The following LINGO2 variants were observed in gnomAD, a reference collection of about 807,000 sequenced individuals.
LINGO2 encodes leucine-rich repeat and immunoglobulin-like domain-containing nogo receptor-interacting protein 2.
In LINGO2, 14 loss-of-function variants were observed where a neutral mutation model predicts 30.6. The observed-to-expected ratio is 0.46, with a 90% CI of 0.30 to 0.72. The LOEUF (loss-of-function observed/expected upper bound fraction) is 0.72, where lower values mean the gene tolerates loss of function less well. Ranked by LOEUF, LINGO2 falls within the 30% of genes least tolerant of loss-of-function variation. LINGO2 has a pLI of 0.07. For synonymous variants in LINGO2, 317 were observed against 288.5 expected (o/e 1.10, Z -1.00); for missense variants, 729 against 751.7 (o/e 0.97, Z 0.35).
chr9:28,449,981 G>A (rs997389627), intron 2 of LINGO2, among the ~76,000 whole-genome samples: 1 of 151,916 alleles, frequency 6.6e-6, no homozygotes, highest in Non-Finnish European at 1.5e-5. Flanking sequence ...GAATGTTCTT[G>A]GATTCGTAGG....
chr9:29,134,353 A>C, the LINGO2 span, among the ~76,000 whole-genome samples: 1 of 152,156 alleles, frequency 6.6e-6, no homozygotes, highest in Admixed American at 6.6e-5. Flanking sequence ...TTGCTACTTA[A>C]AACTTTCAAA....
At chr9:28,666,167 C>T (rs552056248) in intron 1 of LINGO2, among the ~76,000 whole-genome samples, 2 of 152,110 alleles carry the variant, frequency 1.3e-5, no homozygotes, top group African/African-American at 4.8e-5. Flanking sequence ...GTTGGGATTA[C>T]AGGTGTGAGT....
chr9:28,530,631 G>T (rs1821196969), intron 1 of LINGO2, among the ~76,000 whole-genome samples: 2 of 152,056 alleles, frequency 1.3e-5, no homozygotes, highest in South Asian at 2.1e-4. Context: ...ATGGGTTAAA[G>T]AAATAGAACT....
chr9:28,835,342 T>G, the LINGO2 span, among the ~76,000 whole-genome samples: 1 of 152,320 alleles, frequency 6.6e-6, no homozygotes, highest in East Asian at 1.9e-4. Flanking sequence ...TAATAACATG[T>G]GCTATTCAAA....
chr9:29,008,042 A>C, the LINGO2 span, among the ~76,000 whole-genome samples: 1 of 151,976 alleles, frequency 6.6e-6, no homozygotes, highest in Non-Finnish European at 1.5e-5. Flanking sequence ...TTGCCATTTA[A>C]ATTAGGTATA....
the LINGO2 span, among the ~76,000 whole-genome samples, chr9:28,856,756 A>G: frequency 3.9e-5 from 6 of 152,052 alleles, no homozygotes; most frequent in African/African-American, 1.4e-4. Context: ...GGAGGAGAAT[A>G]AAATAATCAG....
At chr9:28,552,863 A>T (rs2135510367) in intron 1 of LINGO2, among the ~76,000 whole-genome samples, 1 of 146,830 alleles carries the variant, frequency 6.8e-6, no homozygotes, top group Middle Eastern at 3.5e-3. Flanking sequence ...TTTTCCATTT[A>T]CACTATCTTA....
chr9:28,832,552 G>A, the LINGO2 span, among the ~76,000 whole-genome samples: 1 of 151,994 alleles, frequency 6.6e-6, no homozygotes, highest in Non-Finnish European at 1.5e-5. Context: ...GGGGTGACTT[G>A]GGATAACATA....
At chr9:29,133,416 T>C in the LINGO2 span, among the ~76,000 whole-genome samples, 37 of 152,158 alleles carry the variant, frequency 2.4e-4, no homozygotes, top group Admixed American at 2.4e-3. Context: ...CTTGTTCTTA[T>C]ATATTCTCCT....
intron 1 of LINGO2, among the ~76,000 whole-genome samples, chr9:28,645,204 G>GA (rs1318797656): frequency 6.6e-6 from 1 of 151,638 alleles, no homozygotes. Flanking sequence ...TAATTAATTG[G>GA]AAAAAAAGGG....
intron 4 of LINGO2, among the ~76,000 whole-genome samples, chr9:28,247,803 G>A (rs1822057035): frequency 6.6e-6 from 1 of 152,266 alleles, no homozygotes; most frequent in African/African-American, 2.4e-5. Flanking sequence ...CAAAAGATTT[G>A]AATGGAAATT....
chr9:28,385,689 T>C (rs1821550981), intron 2 of LINGO2, among the ~76,000 whole-genome samples: 1 of 152,158 alleles, frequency 6.6e-6, no homozygotes, highest in African/African-American at 2.4e-5. Context: ...ATGAATTGTG[T>C]TTCTTTCCAT....
intron 5 of LINGO2, among the ~76,000 whole-genome samples, chr9:27,999,684 TATC>T (rs1043585456): frequency 1.3e-5 from 2 of 152,140 alleles, no homozygotes; most frequent in African/African-American, 4.8e-5. Flanking sequence ...TGATATCCAT[TATC>T]ATGTACACTG....
intron 4 of LINGO2, among the ~76,000 whole-genome samples, chr9:28,266,374 T>G (rs1822751646): frequency 6.6e-6 from 1 of 152,032 alleles, no homozygotes; most frequent in African/African-American, 2.4e-5. Context: ...TGCCATCTTC[T>G]CTGATGCAAC....
At chr9:28,901,960 C>A in the LINGO2 span, among the ~76,000 whole-genome samples, 2 of 152,006 alleles carry the variant, frequency 1.3e-5, no homozygotes, top group Admixed American at 6.6e-5. Context: ...GAGGCCAAAG[C>A]AGGAGGATCA....
chr9:28,648,027 G>A (rs971654114), intron 1 of LINGO2, among the ~76,000 whole-genome samples: 1 of 151,664 alleles, frequency 6.6e-6, no homozygotes, highest in African/African-American at 2.4e-5. Context: ...AAATGCAGAC[G>A]TGAGATGCTT....
intron 4 of LINGO2, among the ~76,000 whole-genome samples, chr9:28,258,796 C>T (rs1396979034): frequency 6.6e-6 from 1 of 151,030 alleles, no homozygotes. Flanking sequence ...AACCATATAC[C>T]ATACCAAAGT....
At chr9:29,052,071 G>A in the LINGO2 span, among the ~76,000 whole-genome samples, 1 of 152,044 alleles carries the variant, frequency 6.6e-6, no homozygotes, top group East Asian at 1.9e-4. Flanking sequence ...ATTTCCTATG[G>A]TTCAACTTAA....
At chr9:28,432,139 T>C (rs887626538) in intron 2 of LINGO2, among the ~76,000 whole-genome samples, 6 of 152,082 alleles carry the variant, frequency 3.9e-5, no homozygotes, top group Non-Finnish European at 7.4e-5. Flanking sequence ...CCTGGAAAGG[T>C]CAGAAGACCA....
Sources: allele counts gnomAD v4.1 joint callset (sites outside exome capture counted in the v4.1 genomes callset), GRCh38; gene constraint gnomAD v4.1.1; transcripts MANE v1.5; gene names NCBI Gene and HGNC (gene_info 2026-07-23, HGNC 2026-07-21).